LUZP2: variants seen among roughly 807,000 people sequenced by gnomAD.
The protein encoded by LUZP2 is leucine zipper protein 2.
A neutral mutation model predicts 51.6 loss-of-function variants in LUZP2; 52 were observed. That is an observed-to-expected ratio of 1.01 (90% CI 0.81 to 1.27). LUZP2 has a LOEUF of 1.27. LUZP2 is among the 50% of genes most tolerant of loss of function. The pLI is 0.00. For missense variants in LUZP2, 436 were observed against 395.4 expected (o/e 1.10, Z -0.87); for synonymous variants, 154 against 137.3 (o/e 1.12, Z -0.85).
chr11:24,997,495 G>A (rs1459414778), intron 9 of LUZP2, among the ~76,000 whole-genome samples: 1 of 152,152 alleles, frequency 6.6e-6, no homozygotes, highest in East Asian at 1.9e-4. Flanking sequence ...ATTTGTTTGA[G>A]TTCATTGTAG....
chr11:25,029,109 G>A (rs1213082040), intron 9 of LUZP2, among the ~76,000 whole-genome samples: 1 of 152,116 alleles, frequency 6.6e-6, no homozygotes, highest in Non-Finnish European at 1.5e-5. Flanking sequence ...TGGTGGGTAG[G>A]AGGAGATGGT....
At chr11:24,589,270 T>C (rs185664907) in intron 1 of LUZP2, among the ~76,000 whole-genome samples, 7 of 152,234 alleles carry the variant, frequency 4.6e-5, no homozygotes, top group Admixed American at 3.9e-4. Context: ...CAGTGACCTA[T>C]CACAAAATAC....
chr11:24,939,653 A>G lies in LUZP2; in HGVS notation c.522+25115A>G, dbSNP rs186450306. Reference sequence around the variant, plus strand: ...AAAATGGACTGCCATTTGGACACGAATCACTATTTAATAAATTGTCATAGA... The same window carrying G: ...AAAATGGACTGCCATTTGGACACGAGTCACTATTTAATAAATTGTCATAGA... On this transcript the variant is annotated intron_variant, in intron 7 of 11. Transcript: ENST00000336930. Among the ~76,000 whole-genome samples, 215 of 152,310 alleles carry G rather than the reference A, an allele frequency of 1.4e-3. 1 individual carries two copies. The highest frequency in any genetic ancestry group is 5.0e-3 in the African/African-American group (209 of 41,580).
chr11:24,562,721 G>A (rs1852086883), intron 1 of LUZP2, among the ~76,000 whole-genome samples: 1 of 149,388 alleles, frequency 6.7e-6, no homozygotes, highest in African/African-American at 2.5e-5. Flanking sequence ...AATTACCTGG[G>A]CGTGGTGGTG....
At chr11:24,505,201 G>A (rs1193216422) in intron 1 of LUZP2, among the ~76,000 whole-genome samples, 2 of 152,046 alleles carry the variant, frequency 1.3e-5, no homozygotes, top group Non-Finnish European at 2.9e-5. Flanking sequence ...GGTTATGATG[G>A]TTTCTGACCT....
At chr11:24,855,908 A>G (rs1274015562) in intron 5 of LUZP2, among the ~76,000 whole-genome samples, 4 of 152,168 alleles carry the variant, frequency 2.6e-5, no homozygotes, top group Non-Finnish European at 5.9e-5. Context: ...GGATTGTCAT[A>G]TGCAGAAAAA....
chr11:24,833,732 T>A (rs1293120486), intron 5 of LUZP2, among the ~76,000 whole-genome samples: 1 of 97,834 alleles, frequency 1.0e-5, no homozygotes, highest in Admixed American at 1.0e-4. Context: ...ACACACACAC[T>A]TGATTCCATT....
intron 1 of LUZP2, among the ~76,000 whole-genome samples, chr11:24,596,142 A>G (rs1853438337): frequency 6.6e-6 from 1 of 152,196 alleles, no homozygotes; most frequent in African/African-American, 2.4e-5. Flanking sequence ...ATGTTACAAC[A>G]CACAGGAATA....
intron 1 of LUZP2, among the ~76,000 whole-genome samples, chr11:24,538,507 T>C (rs1851250626): frequency 6.6e-6 from 1 of 151,790 alleles, no homozygotes; most frequent in Admixed American, 6.6e-5. Context: ...TACTAAATTG[T>C]ACACCTTAAA....
intron 1 of LUZP2, among the ~76,000 whole-genome samples, chr11:24,715,666 A>G (rs1166362791): frequency 6.6e-6 from 1 of 152,118 alleles, no homozygotes; most frequent in Non-Finnish European, 1.5e-5. Flanking sequence ...ATTTTCTGTG[A>G]CTGTTTAACT....
intron 3 of LUZP2, among the ~76,000 whole-genome samples, chr11:24,736,815 G>T (rs1241132181): frequency 6.6e-6 from 1 of 151,956 alleles, no homozygotes; most frequent in Non-Finnish European, 1.5e-5. Context: ...AGTGATGGAA[G>T]CTGTCACTCA....
intron 7 of LUZP2, among the ~76,000 whole-genome samples, chr11:24,967,218 A>G (rs1349497457): frequency 2.6e-5 from 4 of 151,896 alleles, no homozygotes; most frequent in Non-Finnish European, 5.9e-5. Context: ...TGTCAAATTT[A>G]CCAAAGTAAT....
At chr11:24,622,414 AG>A (rs1854529931) in intron 1 of LUZP2, among the ~76,000 whole-genome samples, 1 of 151,862 alleles carries the variant, frequency 6.6e-6, no homozygotes, top group South Asian at 2.1e-4. Flanking sequence ...CATGTTTCCT[AG>A]GCTGATCTCG....
At chr11:24,807,442 C>T (rs546886568) in intron 5 of LUZP2, among the ~76,000 whole-genome samples, 3 of 137,812 alleles carry the variant, frequency 2.2e-5, no homozygotes, top group Non-Finnish European at 4.6e-5. Flanking sequence ...GCCTGGGCGA[C>T]AGAGTAAGAC....
At position 25,050,953 on chromosome 11, in the gene LUZP2, CTT is replaced by C. The variant is rs564594279; in HGVS notation, c.858+825_858+826del. Among the ~76,000 whole-genome samples the C allele has an allele frequency of 1.6e-4, 24 of 152,146 alleles. No individual in the cohort carries two copies. In the South Asian group the frequency reaches 4.8e-3, roughly 30 times the overall value. ...TGCAATGGAATTTTATTTTTTTGAA[CTT>C]TGGCAAAATTGAGCTAATGGATCTA... On this transcript the variant is annotated intron_variant, in intron 10 of 11. Coordinates refer to ENST00000336930, the MANE Select transcript of LUZP2 (RefSeq NM_001009909.4).
At chr11:24,750,784 A>G (rs1859550160) in intron 4 of LUZP2, among the ~76,000 whole-genome samples, 1 of 152,212 alleles carries the variant, frequency 6.6e-6, no homozygotes, top group Non-Finnish European at 1.5e-5. Flanking sequence ...CCAGTACAAT[A>G]TACACATACA....
intron 1 of LUZP2, among the ~76,000 whole-genome samples, chr11:24,716,569 C>T (rs1858052427): frequency 6.6e-6 from 1 of 152,080 alleles, no homozygotes; most frequent in Non-Finnish European, 1.5e-5. Context: ...TTCTGCCAGT[C>T]CAAACAAGGA....
intron 5 of LUZP2, chr11:24,891,705 G>T: frequency 1.3e-6 from 1 of 796,024 alleles, no homozygotes; most frequent in Non-Finnish European, 1.5e-6. Flanking sequence ...TGTTTGATAA[G>T]CTTGTCTGGA....
intron 9 of LUZP2, among the ~76,000 whole-genome samples, chr11:25,000,122 C>A (rs1232299412): frequency 7.1e-6 from 1 of 140,314 alleles, no homozygotes; most frequent in Non-Finnish European, 1.6e-5. Context: ...TTTAGCTAGA[C>A]ACAAAGTGCT....
Sources: gnomAD v4.1 joint callset for allele counts (sites outside exome capture counted in the v4.1 genomes callset) on GRCh38, gnomAD v4.1.1 for gene constraint, MANE v1.5 for transcripts, NCBI Gene and HGNC (gene_info 2026-07-23, HGNC 2026-07-21) for gene names.